The following ZNF726 variants were observed in gnomAD, a reference collection of about 807,000 sequenced individuals.
ZNF726 encodes zinc finger protein 92 pseudogene 3.
A neutral mutation model predicts 11.6 loss-of-function variants in ZNF726; 15 were observed. That is an observed-to-expected ratio of 1.29 (90% CI 0.86 to 1.99). The LOEUF is 1.99. Ranked by LOEUF, ZNF726 falls within the 30% of genes most tolerant of loss-of-function variation. The pLI, the probability that ZNF726 is intolerant of heterozygous loss-of-function variation, is 0.00. For synonymous variants in ZNF726, 295 were observed against 243.6 expected (o/e 1.21, Z -1.96); for missense variants, 890 against 725.6 (o/e 1.23, Z -2.60).
At chr19:23,941,986 G>A (rs1426055080) in intron 3 of ZNF726, among the ~76,000 whole-genome samples, 2 of 151,662 alleles carry the variant, frequency 1.3e-5, no homozygotes, top group Non-Finnish European at 2.9e-5. Flanking sequence ...TTCTGATCAT[G>A]GTTATTTCCT....
At chr19:23,931,503 T>A (rs1968104875) in intron 3 of ZNF726, among the ~76,000 whole-genome samples, 1 of 152,160 alleles carries the variant, frequency 6.6e-6, no homozygotes, top group Non-Finnish European at 1.5e-5. Context: ...CTTATTTTTT[T>A]ATGGTTTCTT....
At chr19:23,915,736 A>T (rs1426107554) in intron 1 of ZNF726, among the ~76,000 whole-genome samples, 7 of 151,834 alleles carry the variant, frequency 4.6e-5, no homozygotes, top group Non-Finnish European at 4.4e-5. Context: ...GCCTGCCACC[A>T]CATTTGGCAA....
downstream of ZNF726, chr19:23,935,371 A>T (rs1442841182): frequency 1.9e-5 from 10 of 527,328 alleles, no homozygotes; most frequent in Admixed American, 1.9e-4. Flanking sequence ...GCTGGACAGC[A>T]ACCCTACAAA....
chr19:23,943,415 A>AT, intron 3 of ZNF726: 1 of 447,444 alleles, frequency 2.2e-6, no homozygotes, highest in Non-Finnish European at 4.0e-6. Context: ...CTTTCATAAT[A>AT]TTTTCTCTAC....
chr19:23,935,360 T>C (rs1455904324), downstream of ZNF726: 1 of 528,510 alleles, frequency 1.9e-6, no homozygotes, highest in Non-Finnish European at 3.8e-6. Flanking sequence ...AGAAAATTCA[T>C]GCTGGACAGC....
downstream of ZNF726, among the ~76,000 whole-genome samples, chr19:23,937,886 C>T (rs1968273115): frequency 6.6e-6 from 1 of 152,232 alleles, no homozygotes; most frequent in African/African-American, 2.4e-5. Flanking sequence ...CTTTAGTTAA[C>T]ATTAAGTTAG....
In ZNF726 at chr19:23,933,758, C is replaced by T. The variant is rs1238088511; in HGVS notation, c.1642C>T (p.Gln548Ter). 3.7e-6 allele frequency: 6 copies of T among 1,604,676 alleles called. No individual in the cohort carries two copies. Among genetic ancestry groups the T allele is most frequent in the African/African-American group, 1.4e-5 (1 of 69,724 alleles). ...KCEECGKTFN[Q>*]SSNLSTHKII... ...TGAAGAATGTGGCAAAACTTTTAAT[C>T]AATCCTCAAATCTTAGTACACATAA... Residue 548 changes from glutamine to a stop codon, truncating the protein, a stop_gained, in exon 4 of 4, where the codon CAA becomes TAA. Transcript: ENST00000594466. LOFTEE classifies it low-confidence loss of function (END_TRUNC).
chr19:23,925,271 A>G (rs1967957007), intron 3 of ZNF726, among the ~76,000 whole-genome samples: 1 of 152,172 alleles, frequency 6.6e-6, no homozygotes, highest in Non-Finnish European at 1.5e-5. Context: ...GAATCACTTT[A>G]TTTAATAATT....
chr19:23,933,420 T>C lies in ZNF726; in HGVS notation c.1304T>C (p.Ile435Thr), dbSNP rs750703049. The change falls in exon 4 of 4, where the codon ATA becomes ACA. Residue 435 changes from isoleucine to threonine, a missense_variant. Coordinates refer to ENST00000594466, the MANE Select transcript of ZNF726 (RefSeq NM_001244038.2). The part of the protein sequence containing the change: ...YKCEECGKAF[I>T]WSSNLTEHKK... ...TGTGAAGAATGCGGCAAAGCGTTTA[T>C]ATGGTCCTCAAACCTTACTGAACAT... 1.3e-5 allele frequency: 21 copies of C among 1,611,520 alleles called. No homozygotes were observed. The South Asian group carries it at 2.3e-4, about 18-fold the overall frequency.
chr19:23,933,924 T>G lies in ZNF726; in HGVS notation c.1808T>G (p.Ile603Ser). Residue 603 changes from isoleucine to serine, a missense_variant, in exon 4 of 4, where the codon ATC becomes AGC. By Grantham distance (142) the Ile-to-Ser change is moderately radical (BLOSUM62 -2). Transcript: ENST00000594466. ...YKCDECGKSF[I>S]WSSTLFKHKR... The stretch of plus-strand genomic sequence containing the variant: ...TGTGACGAATGTGGCAAATCATTTA[T>G]CTGGTCCTCAACCCTTTTTAAGCAT... 6.3e-7 allele frequency: 1 copy of G among 1,584,552 alleles called. No homozygotes were observed. The highest frequency in any genetic ancestry group is 8.6e-7 in the Non-Finnish European group (1 of 1,165,162).
intron 3 of ZNF726, among the ~76,000 whole-genome samples, chr19:23,941,081 C>T (rs1968330983): frequency 6.6e-6 from 1 of 152,150 alleles, no homozygotes; most frequent in Non-Finnish European, 1.5e-5. Flanking sequence ...ATGCTTTCAA[C>T]TTTTCCCCAT....
At chr19:23,926,911 A>C (rs1968001237) in intron 3 of ZNF726, among the ~76,000 whole-genome samples, 1 of 152,280 alleles carries the variant, frequency 6.6e-6, no homozygotes, top group East Asian at 1.9e-4. Flanking sequence ...GTGTTTGTCT[A>C]TAGTTCATAA....
At chr19:23,920,300 G>A (rs554937563) in intron 3 of ZNF726, 36 of 323,428 alleles carry the variant, frequency 1.1e-4, no homozygotes, top group East Asian at 1.1e-3. Context: ...CTTCCTTAAC[G>A]TTTACAGTGA....
chr19:23,925,811 G>A (rs1967973539), intron 3 of ZNF726, among the ~76,000 whole-genome samples: 1 of 150,406 alleles, frequency 6.6e-6, no homozygotes, highest in South Asian at 2.1e-4. Flanking sequence ...CCGCCTCCTG[G>A]GTTCAAGCGA....
chr19:23,941,815 A>G (rs1313534310), intron 3 of ZNF726, among the ~76,000 whole-genome samples: 3 of 152,166 alleles, frequency 2.0e-5, no homozygotes, highest in Admixed American at 6.5e-5. Context: ...GTCAGTTATA[A>G]TATCTCCTGT....
chr19:23,915,079 GC>G (rs1452222636), intron 1 of ZNF726, 82 bp downstream of exon 1: 1 of 1,601,950 alleles, frequency 6.2e-7, no homozygotes, highest in Non-Finnish European at 8.5e-7. Context: ...CGGGACTCAG[GC>G]CTCCTCGCTG....
At chr19:23,938,673 T>C (rs1489437660), downstream of ZNF726, among the ~76,000 whole-genome samples, 1 of 150,588 alleles carries the variant, frequency 6.6e-6, no homozygotes, top group Non-Finnish European at 1.5e-5. Context: ...AATGGTGTGA[T>C]GTTGGCTCAT....
intron 3 of ZNF726, among the ~76,000 whole-genome samples, chr19:23,939,861 G>GGTTTTTTTTTTTT (rs1405429449): frequency 1.2e-5 from 1 of 80,144 alleles, no homozygotes; most frequent in Non-Finnish European, 2.7e-5. Flanking sequence ...TTTTTGATGG[G>GGTTTTTTTTTTTT]ATTTTTTTTT....
At chr19:23,917,341 A>G (rs1464600068) in intron 1 of ZNF726, among the ~76,000 whole-genome samples, 1 of 152,252 alleles carries the variant, frequency 6.6e-6, no homozygotes, top group African/African-American at 2.4e-5. Flanking sequence ...GTGAGTTTCA[A>G]AAATTAATAA....
Sources: gnomAD v4.1 joint callset for allele counts (sites outside exome capture counted in the v4.1 genomes callset) on GRCh38, gnomAD v4.1.1 for gene constraint, MANE v1.5 for transcripts, NCBI Gene and HGNC (gene_info 2026-07-23, HGNC 2026-07-21) for gene names.